The following PPP6R3 variants were observed in gnomAD, a reference collection of about 807,000 sequenced individuals.
PPP6R3 encodes the protein serine/threonine-protein phosphatase 6 regulatory subunit 3.
Under a neutral mutation model 110.7 loss-of-function variants are expected in PPP6R3, and 38 were observed. The observed-to-expected ratio is 0.34, with a 90% CI of 0.26 to 0.45. The LOEUF (loss-of-function observed/expected upper bound fraction) is 0.45. Among genes scored for constraint, PPP6R3 ranks in the 20% least tolerant of loss-of-function variants. PPP6R3 has a pLI of 1.00. For missense variants in PPP6R3, 870 were observed against 1,062.4 expected, an observed-to-expected ratio of 0.82 and a Z score of 2.52; for synonymous variants, 369 against 373.5, an observed-to-expected ratio of 0.99 and a Z score of 0.14.
At chr11:68,603,220 A>C in intron 21 of PPP6R3, 122 bp from the exon 22 acceptor site, 3 of 1,269,172 alleles carry the variant, frequency 2.4e-6, no homozygotes, top group Non-Finnish European at 3.3e-6. Context: ...GGCAGAAGCC[A>C]TCTCACTCTT....
At chr11:68,520,984 C>G (rs1340701116) in intron 2 of PPP6R3, among the ~76,000 whole-genome samples, 2 of 152,148 alleles carry the variant, frequency 1.3e-5, no homozygotes, top group Admixed American at 6.5e-5. Context: ...GTCGGCCAGG[C>G]TGGTCTTGAA....
chr11:68,613,787 T>C lies in PPP6R3; in HGVS notation c.*670T>C, dbSNP rs1944589272. On this transcript the variant is annotated 3_prime_UTR_variant, in exon 24 of 24. Coordinates refer to ENST00000393800, the MANE Select transcript of PPP6R3 (RefSeq NM_001164161.2). ...TTATTGCTACATCATAGTTGATAAA[T>C]TGATGTTATCGTAAAGCCATATGTT... 3.1e-6 allele frequency: 3 copies of C among 982,424 alleles called. No homozygotes were observed. The highest frequency in any genetic ancestry group is 4.7e-5 in the South Asian group (1 of 21,212). 60.9% of individuals were successfully genotyped at this position (982,424 alleles called of 1,614,324 possible).
At chr11:68,600,026 G>A (rs978271670) in intron 19 of PPP6R3, among the ~76,000 whole-genome samples, 5 of 152,228 alleles carry the variant, frequency 3.3e-5, no homozygotes, top group Admixed American at 6.5e-5. Context: ...GGAGGCTGAG[G>A]CAGGAGAATG....
intron 1 of PPP6R3, among the ~76,000 whole-genome samples, chr11:68,470,485 G>T (rs1481770794): frequency 6.6e-6 from 1 of 152,078 alleles, no homozygotes; most frequent in East Asian, 1.9e-4. Flanking sequence ...GAGATGGGGG[G>T]AGGGCGTAGG....
chr11:68,524,928 G>A (rs2099188360), intron 2 of PPP6R3, among the ~76,000 whole-genome samples: 1 of 152,212 alleles, frequency 6.6e-6, no homozygotes, highest in South Asian at 2.1e-4. Context: ...AGAGGCACAT[G>A]GTTCCTCTTC....
At chr11:68,489,572 G>T (rs1430012356) in intron 1 of PPP6R3, among the ~76,000 whole-genome samples, 1 of 151,890 alleles carries the variant, frequency 6.6e-6, no homozygotes, top group African/African-American at 2.4e-5. Context: ...GTGTGTGTGT[G>T]TGTGTGTTTT....
intron 9 of PPP6R3, among the ~76,000 whole-genome samples, chr11:68,566,328 TTCCTCC>T (rs374175545): frequency 6.6e-6 from 1 of 151,456 alleles, no homozygotes; most frequent in Non-Finnish European, 1.5e-5. Context: ...CTCCTTCTCT[TTCCTCC>T]TCCTCCTCCT....
chr11:68,563,104 G>GAA (rs58840169), intron 8 of PPP6R3, among the ~76,000 whole-genome samples: 8 of 124,212 alleles, frequency 6.4e-5, no homozygotes, highest in Admixed American at 8.2e-5. Context: ...CATCTCTACC[G>GAA]AAAAAAAAAA....
At chr11:68,536,275 TG>T in intron 2 of PPP6R3, among the ~76,000 whole-genome samples, 1 of 152,112 alleles carries the variant, frequency 6.6e-6, no homozygotes, top group Non-Finnish European at 1.5e-5. Context: ...TTTTTTGTTT[TG>T]TTTTTTTCTT....
At chr11:68,524,429 G>A (rs2099185068) in intron 2 of PPP6R3, among the ~76,000 whole-genome samples, 2 of 152,136 alleles carry the variant, frequency 1.3e-5, no homozygotes, top group South Asian at 4.1e-4. Flanking sequence ...ATTTCCTGGT[G>A]TGACGTGATG....
chr11:68,558,305 A>T (rs1035993826), intron 7 of PPP6R3: 1 of 226,236 alleles, frequency 4.4e-6, no homozygotes. Flanking sequence ...ATTGGCAAAG[A>T]CAAGCATGGC....
chr11:68,518,444 G>GA (rs1298801035), intron 1 of PPP6R3, among the ~76,000 whole-genome samples: 2 of 152,150 alleles, frequency 1.3e-5, no homozygotes, highest in African/African-American at 2.4e-5. Flanking sequence ...GGAAATTAAG[G>GA]AAATAGGACT....
chr11:68,542,400 T>TTTTTTTTTTTTTTTTTTTC (rs1173863254), intron 3 of PPP6R3, among the ~76,000 whole-genome samples: 1 of 63,348 alleles, frequency 1.6e-5, no homozygotes, highest in African/African-American at 6.3e-5. Context: ...TTTTTTTTTT[T>TTTTTTTTTTTTTTTTTTTC]TTTTTTTTTT....
intron 8 of PPP6R3, among the ~76,000 whole-genome samples, chr11:68,560,710 A>G (rs1459694048): frequency 1.3e-5 from 2 of 152,188 alleles, no homozygotes; most frequent in Non-Finnish European, 2.9e-5. Flanking sequence ...ACTATAGTGA[A>G]CTACACAAAA....
chr11:68,573,343 G>T (rs1593378649), intron 12 of PPP6R3, among the ~76,000 whole-genome samples: 2 of 151,418 alleles, frequency 1.3e-5, no homozygotes, highest in East Asian at 3.9e-4. Flanking sequence ...TAGAGATGGG[G>T]TTTTGCCATG....
chr11:68,533,140 A>T (rs987854364), intron 2 of PPP6R3, among the ~76,000 whole-genome samples: 2 of 152,208 alleles, frequency 1.3e-5, no homozygotes, highest in Admixed American at 1.3e-4. Context: ...TGAACTTTGT[A>T]ACTGTTATTT....
intron 7 of PPP6R3, among the ~76,000 whole-genome samples, chr11:68,555,264 A>G (rs1204196370): frequency 6.6e-6 from 1 of 152,186 alleles, no homozygotes; most frequent in Admixed American, 6.5e-5. Flanking sequence ...TAAAACATAT[A>G]AGACACCCCA....
intron 1 of PPP6R3, among the ~76,000 whole-genome samples, chr11:68,472,773 C>A (rs7106339): frequency 1.3e-5 from 2 of 152,008 alleles, no homozygotes; most frequent in African/African-American, 4.8e-5. Flanking sequence ...ACCCCCTCAA[C>A]GACAACAAAA....
At chr11:68,603,229 T>C (rs1299410674) in intron 21 of PPP6R3, 113 bp from the exon 22 acceptor site, 3 of 1,359,844 alleles carry the variant, frequency 2.2e-6, no homozygotes, top group South Asian at 1.4e-5. Flanking sequence ...CATCTCACTC[T>C]TTTTTTTCTT....
Sources: allele counts gnomAD v4.1 joint callset (sites outside exome capture counted in the v4.1 genomes callset), GRCh38; gene constraint gnomAD v4.1.1; transcripts MANE v1.5; gene names NCBI Gene and HGNC (gene_info 2026-07-23, HGNC 2026-07-21).